The following ZCCHC14 variants were observed in gnomAD, a reference collection of about 807,000 sequenced individuals.
The protein encoded by ZCCHC14 is zinc finger CCHC domain-containing protein 14.
A neutral mutation model predicts 85.0 loss-of-function variants in ZCCHC14; 16 were observed. The observed-to-expected ratio is 0.19, with a 90% confidence interval of 0.13 to 0.29. The LOEUF is 0.29. ZCCHC14 is among the 10% of genes least tolerant of loss of function. ZCCHC14 has a pLI of 1.00. For synonymous variants in ZCCHC14, 775 were observed against 630.7 expected, an observed-to-expected ratio of 1.23 and a Z score of -3.43; for missense variants, 1,303 against 1,443.5, an observed-to-expected ratio of 0.90 and a Z score of 1.58.
rs550392233 is a variant in ZCCHC14 at position 87,408,592 on chromosome 16, T to C, written c.*1688A>G. 3 of 152,724 alleles carry C rather than the reference T, an allele frequency of 2.0e-5. No homozygotes were observed. In the South Asian group the frequency reaches 6.2e-4, roughly 32 times the overall value. The allele number at this position is 152,724 out of a possible 1,614,324, so 9.5% of individuals were successfully genotyped here. Reference sequence around the variant, plus strand: ...TTCAACACTGTAATACTGTGTACCATGAGGAGAAGAGGTCTGTTAATTCTG... The same window carrying C: ...TTCAACACTGTAATACTGTGTACCACGAGGAGAAGAGGTCTGTTAATTCTG... On this transcript the variant is annotated 3_prime_UTR_variant, in exon 13 of 13. Transcript: ENST00000671377.
At chr16:87,424,295 C>T (rs1002824135) in intron 3 of ZCCHC14, among the ~76,000 whole-genome samples, 2 of 152,138 alleles carry the variant, frequency 1.3e-5, no homozygotes, top group Non-Finnish European at 2.9e-5. Context: ...GGTAAGGGCC[C>T]GTGGTGCGCC....
chr16:87,438,302 G>A (rs926077251), intron 2 of ZCCHC14, among the ~76,000 whole-genome samples: 2 of 152,254 alleles, frequency 1.3e-5, no homozygotes, highest in Non-Finnish European at 2.9e-5. Context: ...CATTTATTTG[G>A]ATATTTTCCT....
At chr16:87,450,462 G>T (rs1033101995) in intron 2 of ZCCHC14, among the ~76,000 whole-genome samples, 2 of 151,550 alleles carry the variant, frequency 1.3e-5, no homozygotes, top group African/African-American at 4.9e-5. Flanking sequence ...ATTTTTCTTT[G>T]GTTTTTTATT....
intron 12 of ZCCHC14, chr16:87,411,307 C>T: frequency 7.0e-7 from 1 of 1,422,732 alleles, no homozygotes; most frequent in Non-Finnish European, 9.4e-7. Flanking sequence ...GAACCAGAGG[C>T]TGTCTGAAAT....
In ZCCHC14 at chr16:87,491,628, C is replaced by T; in HGVS notation, c.570+41G>A. ...GGCTTGGAGTGCAGAGTTGGGGATG[C>T]AGACTTGGGGTACAGGGCAGAGCTC... On this transcript the variant is annotated intron_variant, in intron 1 of 12. Coordinates refer to ENST00000671377, the MANE Select transcript of ZCCHC14 (RefSeq NM_015144.3). The surrounding 1 kb of genome is among the most constrained non-coding windows in gnomAD (Gnocchi z 5.9). The T allele has an allele frequency of 7.3e-7, 1 of 1,364,532 alleles. No individual in the cohort carries two copies. 84.5% of individuals were successfully genotyped at this position (1,364,532 alleles called of 1,614,324 possible). A position where few individuals can be genotyped will look rare whatever the true frequency, so the allele number is the denominator to read the frequency against.
rs143409603 is a variant in ZCCHC14, at chr16:87,412,611, C to T, written c.2110G>A (p.Ala704Thr). The T allele has an allele frequency of 8.7e-6, 14 of 1,614,022 alleles. No individual in the cohort carries two copies. Among genetic ancestry groups the T allele is most frequent in the East Asian group, 6.7e-5 (3 of 44,888 alleles). ...AGGACCTGCACAGGCTGGTGGGGTGCGGACGCGGGCAGCACGTCCATCATG... is the reference window on the plus strand; with the variant it reads ...AGGACCTGCACAGGCTGGTGGGGTGTGGACGCGGGCAGCACGTCCATCATG... ...SAMMDVLPAS[A>T]PHQPVQVLSG... The change falls in exon 12 of 13, where the codon GCA becomes ACA. Residue 704 changes from alanine (A) to threonine (T), a missense_variant. Physicochemically the swap from Ala to Thr is moderately conservative, Grantham distance 58 (BLOSUM62 0). Transcript: ENST00000671377.
At chr16:87,469,537 C>T (rs1423591962) in intron 1 of ZCCHC14, among the ~76,000 whole-genome samples, 1 of 152,218 alleles carries the variant, frequency 6.6e-6, no homozygotes, top group Non-Finnish European at 1.5e-5. Context: ...GTTTCGTCCA[C>T]TATGGGATGG....
At chr16:87,463,802 G>C (rs1911389239) in intron 1 of ZCCHC14, among the ~76,000 whole-genome samples, 1 of 152,110 alleles carries the variant, frequency 6.6e-6, no homozygotes, top group African/African-American at 2.4e-5. Context: ...TCCATCCCGG[G>C]TGACAGAGCA....
At chr16:87,483,806 A>G (rs1210860587) in intron 1 of ZCCHC14, among the ~76,000 whole-genome samples, 1 of 152,176 alleles carries the variant, frequency 6.6e-6, no homozygotes, top group East Asian at 1.9e-4. Context: ...ACCCAACTCC[A>G]CTTCCAGATT....
intron 3 of ZCCHC14, among the ~76,000 whole-genome samples, chr16:87,432,794 A>G (rs746301267): frequency 6.6e-6 from 1 of 152,212 alleles, no homozygotes; most frequent in Non-Finnish European, 1.5e-5. Context: ...ATCAGTCTCC[A>G]GAGGCACCAC....
At chr16:87,437,251 A>G (rs1909969217) in intron 2 of ZCCHC14, among the ~76,000 whole-genome samples, 1 of 148,890 alleles carries the variant, frequency 6.7e-6, no homozygotes, top group Non-Finnish European at 1.5e-5. Context: ...CAGGAGAATC[A>G]CTTGACCCCA....
rs966959089 is a variant in ZCCHC14, at chr16:87,407,600, A to G, written c.*2680T>C. 1 of 152,244 alleles carries G rather than the reference A, an allele frequency of 6.6e-6. No homozygotes were observed. Among genetic ancestry groups the G allele is most frequent in the Non-Finnish European group, 1.5e-5 (1 of 68,042 alleles). 9.4% of individuals were successfully genotyped at this position (152,244 alleles called of 1,614,324 possible). A position where few individuals can be genotyped will look rare whatever the true frequency, so the allele number is the denominator to read the frequency against. ...CACTTTCCCCATTCTTGGAGATTAAAAAAACAGGGTTAGAAACTTTAATAT... is the reference window on the plus strand; with the variant it reads ...CACTTTCCCCATTCTTGGAGATTAAGAAAACAGGGTTAGAAACTTTAATAT... On this transcript the variant is annotated 3_prime_UTR_variant, in exon 13 of 13. Coordinates refer to ENST00000671377, the MANE Select transcript of ZCCHC14 (RefSeq NM_015144.3).
In ZCCHC14 at chr16:87,407,083, C is replaced by G. The variant is rs983060415; in HGVS notation, c.*3197G>C. On this transcript the variant is annotated 3_prime_UTR_variant, in exon 13 of 13. Transcript: ENST00000671377. The stretch of plus-strand genomic sequence containing the variant: ...AGGGTGCAACCCAGTTCCCATCTGG[C>G]AAGTGCCTAAAGCCCCGCTCAGCCT... 6.6e-6 allele frequency: 1 copy of G among 152,252 alleles called. No individual in the cohort carries two copies. The highest frequency in any genetic ancestry group is 1.5e-5 in the Non-Finnish European group (1 of 68,080). 9.4% of individuals were successfully genotyped at this position (152,252 alleles called of 1,614,324 possible).
intron 10 of ZCCHC14, 94 bp from the exon 11 acceptor site, chr16:87,413,289 C>T: frequency 7.0e-7 from 1 of 1,427,684 alleles, no homozygotes; most frequent in Non-Finnish European, 9.2e-7. Flanking sequence ...GCAGGTGCTC[C>T]TTCCAGGGAA....
Position 87,437,058 on chromosome 16 carries a change from G to A in ZCCHC14, c.695-3857C>T, listed in dbSNP as rs200610708. On this transcript the variant is annotated intron_variant, in intron 2 of 12. Coordinates refer to ENST00000671377, the MANE Select transcript of ZCCHC14 (RefSeq NM_015144.3). ...AAGCAAATGCCTAGATAAATTCAGG[G>A]GCGGCCGGGAGCTCACACCTGTAAT... is the stretch of plus-strand genomic sequence containing the variant. 1.4e-4 allele frequency among the ~76,000 whole-genome samples: 22 copies of A among 152,158 alleles called. No homozygotes were observed. The East Asian group carries it at 3.1e-3, about 21-fold the overall frequency.
chr16:87,432,969 G>A (rs1446336432), intron 3 of ZCCHC14, among the ~76,000 whole-genome samples, 159 bp downstream of exon 3: 1 of 125,996 alleles, frequency 7.9e-6, no homozygotes, highest in Non-Finnish European at 1.6e-5. Context: ...CCCCCACCCT[G>A]GAGACAGCCC....
chr16:87,482,574 A>G (rs980584631), intron 1 of ZCCHC14, among the ~76,000 whole-genome samples: 12 of 152,300 alleles, frequency 7.9e-5, no homozygotes, highest in African/African-American at 2.9e-4. Context: ...GGAAACCCAC[A>G]AAAACGAACG....
rs1012602243 is a variant in ZCCHC14 at position 87,440,384 on chromosome 16, C to T, written c.695-7183G>A. Among the ~76,000 whole-genome samples the T allele has an allele frequency of 3.9e-5, 6 of 152,134 alleles. No homozygotes were observed. The South Asian group carries it at 6.2e-4, about 16-fold the overall frequency. ...TTCGACATATTGGTCAGGCTGGTCT[C>T]GAACTCCTAACCTCAAGTGATCCAC... On this transcript the variant is annotated intron_variant, in intron 2 of 12. Coordinates refer to ENST00000671377, the MANE Select transcript of ZCCHC14 (RefSeq NM_015144.3).
At chr16:87,470,079 T>G (rs1056345917) in intron 1 of ZCCHC14, among the ~76,000 whole-genome samples, 1 of 151,974 alleles carries the variant, frequency 6.6e-6, no homozygotes, top group African/African-American at 2.4e-5. Context: ...ACACCTGTAA[T>G]CCCAGCACTT....
Sources: gnomAD v4.1 joint callset for allele counts (sites outside exome capture counted in the v4.1 genomes callset) on GRCh38, gnomAD v4.1.1 for gene constraint, Gnocchi (gnomAD v3.1) non-coding constraint, MANE v1.5 for transcripts, NCBI Gene and HGNC (gene_info 2026-07-23, HGNC 2026-07-21) for gene names.